Variants in AFF2 observed in about 807,000 individuals in gnomAD.
AFF2 encodes the protein AF4/FMR2 family member 2.
Under a neutral mutation model 76.9 loss-of-function variants are expected in AFF2, and 14 were observed. The observed-to-expected ratio is 0.18, with a 90% CI of 0.12 to 0.28. The LOEUF is 0.28. AFF2 is among the 10% of genes least tolerant of loss of function. The pLI, the probability that AFF2 is intolerant of heterozygous loss-of-function variation, is 1.00. For synonymous variants in AFF2, 398 were observed against 366.7 expected (o/e 1.09, Z -0.98); for missense variants, 868 against 1,001.1 (o/e 0.87, Z 1.79).
chrX:148,979,882 G>T (rs984616249), intron 18 of AFF2, among the ~76,000 whole-genome samples: 1 of 111,975 alleles, frequency 8.9e-6, no homozygotes, highest in African/African-American at 3.2e-5. Context: ...CCCTCCTTTC[G>T]CAAAGGGGGC....
At chrX:148,547,497 G>T (rs947849605) in intron 1 of AFF2, 4 of 112,165 alleles carry the variant, frequency 3.6e-5, no homozygotes, top group Non-Finnish European at 7.5e-5. Flanking sequence ...GATTTGGCTG[G>T]CTGCAGACAG....
intron 1 of AFF2, among the ~76,000 whole-genome samples, chrX:148,557,980 T>C (rs1412207947): frequency 9.0e-6 from 1 of 111,696 alleles, no homozygotes; most frequent in Non-Finnish European, 1.9e-5. Flanking sequence ...GGATGAAAAG[T>C]CAGGCCAGTC....
intron 3 of AFF2, among the ~76,000 whole-genome samples, chrX:148,682,190 C>A (rs1250509427): frequency 8.9e-6 from 1 of 111,823 alleles, no homozygotes; most frequent in Non-Finnish European, 1.9e-5. Context: ...AATATGTAAT[C>A]CTAATTTTAA....
At chrX:148,623,835 C>T (rs1187250150) in intron 1 of AFF2, among the ~76,000 whole-genome samples, 3 of 110,550 alleles carry the variant, frequency 2.7e-5, no homozygotes, top group Admixed American at 9.7e-5. Context: ...CAAGTGTGAG[C>T]CTCTCCTATC....
chrX:148,971,158 T>A (rs1557289513), intron 15 of AFF2, among the ~76,000 whole-genome samples: 2 of 88,618 alleles, frequency 2.3e-5, no homozygotes, highest in East Asian at 3.7e-4. Context: ...AAATAGCCAA[T>A]CAAGTTTATT....
intron 8 of AFF2, among the ~76,000 whole-genome samples, chrX:148,897,269 ATATG>A (rs1422679015): frequency 0.098 from 2,088 of 21,387 alleles, 752 homozygotes; most frequent in Non-Finnish European, 0.1. Context: ...ATATATATAT[ATATG>A]TATATGAAAA....
chrX:148,611,282 C>A (rs1221087312), intron 1 of AFF2, among the ~76,000 whole-genome samples: 3 of 111,992 alleles, frequency 2.7e-5, no homozygotes, highest in Non-Finnish European at 5.7e-5. Flanking sequence ...GCTGGCTTTG[C>A]TGTCTTGTCT....
chrX:148,669,912 T>C (rs1232487489), intron 3 of AFF2, among the ~76,000 whole-genome samples: 1 of 111,896 alleles, frequency 8.9e-6, no homozygotes, highest in Non-Finnish European at 1.9e-5. Context: ...ACTTAGTATT[T>C]GTCTTATAGC....
intron 3 of AFF2, among the ~76,000 whole-genome samples, chrX:148,771,852 G>T (rs782635125): frequency 1.2e-4 from 13 of 111,824 alleles, no homozygotes; most frequent in African/African-American, 4.2e-4. Context: ...TTTAAAGGGT[G>T]TAATTTTAAG....
At chrX:148,720,662 T>C (rs2055080644) in intron 3 of AFF2, among the ~76,000 whole-genome samples, 1 of 96,185 alleles carries the variant, frequency 1.0e-5, no homozygotes, top group Non-Finnish European at 2.3e-5. Flanking sequence ...TATTTGTTAG[T>C]AATATTTTGA....
At chrX:148,566,202 T>G (rs2053169012) in intron 1 of AFF2, among the ~76,000 whole-genome samples, 2 of 111,097 alleles carry the variant, frequency 1.8e-5, no homozygotes, top group Non-Finnish European at 3.8e-5. Context: ...TTTGCCCAAG[T>G]CTGTCAGCTA....
intron 9 of AFF2, among the ~76,000 whole-genome samples, chrX:148,944,530 G>A (rs782086969): frequency 1.1e-5 from 1 of 89,292 alleles, no homozygotes; most frequent in Non-Finnish European, 2.3e-5. Flanking sequence ...AAGGCAAAAG[G>A]TACAAAAATA....
intron 3 of AFF2, among the ~76,000 whole-genome samples, chrX:148,761,937 ATG>A (rs1204814192): frequency 2.8e-5 from 3 of 107,518 alleles, no homozygotes; most frequent in African/African-American, 1.0e-4. Context: ...GTGCATGTAT[ATG>A]TGTGTGTGTA....
At chrX:148,584,100 TTTTTC>T (rs1557245506) in intron 1 of AFF2, among the ~76,000 whole-genome samples, 1 of 112,132 alleles carries the variant, frequency 8.9e-6, no homozygotes, top group Non-Finnish European at 1.9e-5. Flanking sequence ...CTTTGTTTAT[TTTTTC>T]TTTTCTTTTT....
intron 3 of AFF2, among the ~76,000 whole-genome samples, chrX:148,749,365 G>A (rs953907672): frequency 9.1e-6 from 1 of 109,373 alleles, no homozygotes; most frequent in African/African-American, 3.3e-5. Context: ...TCGGACTCCC[G>A]GGCTCAACAG....
At chrX:148,876,169 A>G (rs782468343) in intron 7 of AFF2, among the ~76,000 whole-genome samples, 1 of 112,247 alleles carries the variant, frequency 8.9e-6, no homozygotes, top group African/African-American at 3.2e-5. Flanking sequence ...CAATAATCAC[A>G]GATGATAAAG....
At chrX:148,714,946 G>A (rs1199189652) in intron 3 of AFF2, among the ~76,000 whole-genome samples, 1 of 111,614 alleles carries the variant, frequency 9.0e-6, no homozygotes, top group African/African-American at 3.3e-5. Flanking sequence ...TAGTCTTGAT[G>A]ATGTGGGAAA....
In AFF2 at chrX:148,994,142, A is replaced by G. The variant is rs782147606; in HGVS notation, c.*2810A>G. The stretch of plus-strand genomic sequence containing the variant: ...AGGTTAGAATAGAGGGCAGAGTAAA[A>G]GGAAGCTCCATCTGAGCAAGTACAC... On this transcript the variant is annotated 3_prime_UTR_variant, in exon 21 of 21. Transcript: ENST00000370460. 1.2e-4 allele frequency: 13 copies of G among 111,544 alleles called. No homozygotes were observed. The highest frequency in any genetic ancestry group is 7.6e-4 in the Admixed American group (8 of 10,487). 9.2% of individuals were successfully genotyped at this position (111,544 alleles called of 1,213,427 possible).
At chrX:148,963,372 T>C (rs957192792) in intron 13 of AFF2, among the ~76,000 whole-genome samples, 2 of 112,007 alleles carry the variant, frequency 1.8e-5, no homozygotes, top group Non-Finnish European at 3.8e-5. Context: ...TAGGAGACTT[T>C]GTGGCATAAT....
Sources: gnomAD v4.1 joint callset for allele counts (sites outside exome capture counted in the v4.1 genomes callset) on GRCh38, gnomAD v4.1.1 for gene constraint, MANE v1.5 for transcripts, NCBI Gene and HGNC (gene_info 2026-07-23, HGNC 2026-07-21) for gene names.